XPR1: variants seen among roughly 807,000 people sequenced by gnomAD.
XPR1 encodes xenotropic and polytropic retrovirus receptor 1.
In XPR1, 28 loss-of-function variants were observed where a neutral mutation model predicts 87.5. The observed-to-expected ratio is 0.32, with a 90% confidence interval of 0.24 to 0.44. XPR1 has a LOEUF of 0.44. Among genes scored for constraint, XPR1 ranks in the 20% least tolerant of loss-of-function variants. XPR1 has a pLI of 1.00. For synonymous variants in XPR1, 300 were observed against 306.1 expected (o/e 0.98, Z 0.21); for missense variants, 559 against 862.3 (o/e 0.65, Z 4.41).
chr1:180,742,305 A>AGG (rs1658948360), intron 2 of XPR1, among the ~76,000 whole-genome samples: 1 of 152,134 alleles, frequency 6.6e-6, no homozygotes, highest in Non-Finnish European at 1.5e-5. Flanking sequence ...CTGTTTTAGC[A>AGG]GTATCCCTCA....
intron 2 of XPR1, among the ~76,000 whole-genome samples, chr1:180,724,014 T>G (rs1380367460): frequency 2.0e-5 from 3 of 152,216 alleles, no homozygotes; most frequent in Admixed American, 6.5e-5. Context: ...TCTGAATATG[T>G]TAATACTTAG....
rs754127028 is a variant in XPR1 at position 180,880,281 on chromosome 1, C to T, written c.2014C>T (p.Pro672Ser). The part of the protein sequence containing the change: ...KYNQSISLRR[P>S]RLASQSKARD... Reference sequence around the variant, plus strand: ...CAACCAGAGCATATCCCTGCGCCGGCCTCGCCTCGCTTCTCAGTATGTATG... The same window carrying T: ...CAACCAGAGCATATCCCTGCGCCGGTCTCGCCTCGCTTCTCAGTATGTATG... The change falls in exon 14 of 15, where the codon CCT (proline) becomes TCT (serine). Residue 672 changes from proline (P) to serine (S), a missense_variant. This residue lies in a region of XPR1 where 80 missense variants were observed against 99.5 expected (regional missense o/e 0.80). Coordinates refer to ENST00000367590, the MANE Select transcript of XPR1 (RefSeq NM_004736.4). 7.4e-6 allele frequency: 12 copies of T among 1,614,200 alleles called. No individual in the cohort carries two copies. The highest frequency in any genetic ancestry group is 1.0e-5 in the Non-Finnish European group (12 of 1,180,032).
chr1:180,702,458 T>G (rs1483116348), intron 2 of XPR1, among the ~76,000 whole-genome samples: 1 of 151,974 alleles, frequency 6.6e-6, no homozygotes, highest in Non-Finnish European at 1.5e-5. Flanking sequence ...TAGGTCTGCT[T>G]GGTGCAGAGC....
At chr1:180,637,099 A>C (rs1392577112) in intron 1 of XPR1, among the ~76,000 whole-genome samples, 1 of 151,804 alleles carries the variant, frequency 6.6e-6, no homozygotes, top group Non-Finnish European at 1.5e-5. Context: ...CAGAACTGTT[A>C]ATTTTACTTA....
chr1:180,785,665 A>G (rs1473359581), intron 2 of XPR1, among the ~76,000 whole-genome samples: 1 of 152,014 alleles, frequency 6.6e-6, no homozygotes, highest in Non-Finnish European at 1.5e-5. Context: ...AAATTATTTT[A>G]GAAGAGAAGC....
chr1:180,632,944 T>G (rs1030801457), intron 1 of XPR1, among the ~76,000 whole-genome samples: 3 of 152,254 alleles, frequency 2.0e-5, no homozygotes, highest in Non-Finnish European at 4.4e-5. Flanking sequence ...GCATGAAGTC[T>G]ACAGAGTAAT....
intron 1 of XPR1, among the ~76,000 whole-genome samples, chr1:180,644,404 C>CTTT (rs369513320): frequency 3.0e-5 from 4 of 133,444 alleles, no homozygotes; most frequent in South Asian, 2.4e-4. Context: ...TTCTGATTTA[C>CTTT]TTTTTTTTTT....
chr1:180,768,650 C>CTGA (rs1244521129), intron 2 of XPR1, among the ~76,000 whole-genome samples: 1 of 152,156 alleles, frequency 6.6e-6, no homozygotes, highest in African/African-American at 2.4e-5. Context: ...ACATAAGCAC[C>CTGA]TGAAGAGAAT....
At chr1:180,790,375 C>G (rs1649325927) in intron 3 of XPR1, among the ~76,000 whole-genome samples, 1 of 151,928 alleles carries the variant, frequency 6.6e-6, no homozygotes, top group South Asian at 2.1e-4. Context: ...AATGAGCAAG[C>G]AAATTTCTTA....
In XPR1 at chr1:180,786,227, C is replaced by T. The variant is rs374905732; in HGVS notation, c.122-1526C>T. Among the ~76,000 whole-genome samples the T allele has an allele frequency of 6.2e-4, 92 of 149,580 alleles. 1 individual carries two copies. The highest frequency in any genetic ancestry group is 2.1e-3 in the African/African-American group (88 of 41,370). ...ATAGATTCAGCATGCTTTTTAGAAC[C>T]TTAAGCTTTTGTTTTTCTTTAAAAT... On this transcript the variant is annotated intron_variant, in intron 2 of 14. Coordinates refer to ENST00000367590, the MANE Select transcript of XPR1 (RefSeq NM_004736.4).
At chr1:180,879,718 T>C (rs1464847785) in intron 13 of XPR1, among the ~76,000 whole-genome samples, 2 of 152,240 alleles carry the variant, frequency 1.3e-5, no homozygotes, top group Non-Finnish European at 2.9e-5. Context: ...GTTTACTTGC[T>C]CATTGTCTGT....
chr1:180,677,774 C>T (rs1431032607), intron 1 of XPR1, among the ~76,000 whole-genome samples: 1 of 152,164 alleles, frequency 6.6e-6, no homozygotes, highest in Non-Finnish European at 1.5e-5. Context: ...GCACTATAAA[C>T]TACGTTCCTC....
At chr1:180,824,294 T>C (rs1306845353) in intron 7 of XPR1, among the ~76,000 whole-genome samples, 1 of 152,172 alleles carries the variant, frequency 6.6e-6, no homozygotes, top group Admixed American at 6.5e-5. Context: ...TAAAATAATC[T>C]AGGTTTGGCC....
chr1:180,765,398 T>C (rs909454232), intron 2 of XPR1, among the ~76,000 whole-genome samples: 2 of 152,256 alleles, frequency 1.3e-5, no homozygotes, highest in Non-Finnish European at 2.9e-5. Context: ...AAGTCAGTTA[T>C]GCAAACTATT....
chr1:180,881,468 TCA>T (rs1348621666), intron 14 of XPR1, among the ~76,000 whole-genome samples: 1 of 152,076 alleles, frequency 6.6e-6, no homozygotes, highest in Non-Finnish European at 1.5e-5. Flanking sequence ...CAGCCACGAG[TCA>T]CAGAGAATTT....
chr1:180,771,872 G>A (rs181176945), intron 2 of XPR1, among the ~76,000 whole-genome samples: 89 of 152,186 alleles, frequency 5.8e-4, no homozygotes, highest in African/African-American at 2.0e-3. Flanking sequence ...TGTCTGCCAA[G>A]TTTCTCCATG....
chr1:180,656,654 A>G (rs1023480424), intron 1 of XPR1, among the ~76,000 whole-genome samples: 3 of 122,092 alleles, frequency 2.5e-5, no homozygotes, highest in Non-Finnish European at 3.2e-5. Flanking sequence ...TATTATATAT[A>G]ATATATAATT....
intron 2 of XPR1, among the ~76,000 whole-genome samples, chr1:180,771,749 A>G (rs562662186): frequency 4.0e-4 from 61 of 152,298 alleles, no homozygotes; most frequent in Non-Finnish European, 1.5e-4. Context: ...TTTGTCAAGA[A>G]TACCAGAGAA....
chr1:180,648,304 C>A (rs901793551), intron 1 of XPR1, among the ~76,000 whole-genome samples: 1 of 152,154 alleles, frequency 6.6e-6, no homozygotes, highest in Non-Finnish European at 1.5e-5. Flanking sequence ...TCTGTCTCTG[C>A]CATTAAGTGG....
Sources: allele counts gnomAD v4.1 joint callset (sites outside exome capture counted in the v4.1 genomes callset), GRCh38; gene constraint gnomAD v4.1.1; regional missense constraint gnomAD v4.1.1; transcripts MANE v1.5; gene names NCBI Gene and HGNC (gene_info 2026-07-23, HGNC 2026-07-21).